Variants in DLG2 observed in about 807,000 individuals in gnomAD.
The protein encoded by DLG2 is disks large homolog 2.
A neutral mutation model predicts 132.5 loss-of-function variants in DLG2; 45 were observed. The ratio of observed to expected loss-of-function variants is 0.34; its 90% CI spans 0.27 to 0.44. DLG2 has a LOEUF of 0.44. Among genes scored for constraint, DLG2 ranks in the 20% least tolerant of loss-of-function variants. The pLI, the probability that DLG2 is intolerant of heterozygous loss-of-function variation, is 1.00. For synonymous variants in DLG2, 424 were observed against 419.6 expected (o/e 1.01, Z -0.13); for missense variants, 1,045 against 1,196.9 (o/e 0.87, Z 1.87).
chr11:85,594,014 A>G (rs2079555640), intron 3 of DLG2, among the ~76,000 whole-genome samples: 1 of 152,202 alleles, frequency 6.6e-6, no homozygotes, highest in Non-Finnish European at 1.5e-5. Context: ...GTGTTGATAA[A>G]TGAATAAAAA....
intron 6 of DLG2, among the ~76,000 whole-genome samples, chr11:85,027,618 T>C (rs1316820954): frequency 2.0e-5 from 3 of 152,242 alleles, no homozygotes; most frequent in African/African-American, 7.2e-5. Context: ...CAGCCACGCA[T>C]GCTAGCTGCT....
At chr11:84,241,060 T>C (rs1465659026) in intron 8 of DLG2, among the ~76,000 whole-genome samples, 1 of 152,208 alleles carries the variant, frequency 6.6e-6, no homozygotes, top group Non-Finnish European at 1.5e-5. Flanking sequence ...GTACTTGCAC[T>C]TCCCTCTTCT....
chr11:84,502,251 C>CTTCT, intron 7 of DLG2, among the ~76,000 whole-genome samples: 1 of 35,576 alleles, frequency 2.8e-5, no homozygotes, highest in South Asian at 1.5e-3. Context: ...TCCTTCCTTC[C>CTTCT]TTCCTTCCTT....
chr11:85,377,369 G>C (rs11234336), intron 3 of DLG2, among the ~76,000 whole-genome samples: 21,472 of 152,064 alleles, frequency 0.14, 2,090 homozygotes, highest in Non-Finnish European at 0.22. Flanking sequence ...ATGAAAGCTT[G>C]AGTTTCCTCC....
chr11:84,639,346 GTGT>G (rs1430097662), intron 6 of DLG2, among the ~76,000 whole-genome samples: 2 of 115,282 alleles, frequency 1.7e-5, no homozygotes, highest in African/African-American at 7.2e-5. Context: ...GCAGATATCT[GTGT>G]TTTTTTTTTT....
At chr11:83,599,114 T>A (rs773458013) in intron 19 of DLG2, among the ~76,000 whole-genome samples, 1 of 152,162 alleles carries the variant, frequency 6.6e-6, no homozygotes, top group Admixed American at 6.5e-5. Context: ...GCAAGAGTAG[T>A]TTTTCCAAAA....
chr11:84,168,652 T>C (rs1367989996), intron 8 of DLG2, among the ~76,000 whole-genome samples: 2 of 152,186 alleles, frequency 1.3e-5, no homozygotes, highest in African/African-American at 2.4e-5. Flanking sequence ...TTAAACCTGA[T>C]GCACTCAAAG....
intron 6 of DLG2, among the ~76,000 whole-genome samples, chr11:84,656,694 T>C (rs2099688726): frequency 6.6e-6 from 1 of 152,152 alleles, no homozygotes; most frequent in Non-Finnish European, 1.5e-5. Flanking sequence ...ATCTCCATCC[T>C]AGCACTCACT....
intron 19 of DLG2, among the ~76,000 whole-genome samples, chr11:83,560,915 A>C (rs1226678851): frequency 6.6e-6 from 1 of 152,170 alleles, no homozygotes; most frequent in Non-Finnish European, 1.5e-5. Context: ...TTTATTAAGA[A>C]AAGAGAATTA....
At chr11:84,511,480 T>C (rs1335898105) in intron 7 of DLG2, among the ~76,000 whole-genome samples, 1 of 152,168 alleles carries the variant, frequency 6.6e-6, no homozygotes, top group East Asian at 1.9e-4. Flanking sequence ...TCAGAGTTCA[T>C]ATATATTTTG....
chr11:85,447,574 T>C (rs1190244731), intron 3 of DLG2, among the ~76,000 whole-genome samples: 1 of 152,178 alleles, frequency 6.6e-6, no homozygotes, highest in African/African-American at 2.4e-5. Flanking sequence ...ACCACCTTGA[T>C]CTTGGAATAT....
At chr11:84,216,615 C>T (rs767871672) in intron 8 of DLG2, among the ~76,000 whole-genome samples, 34 of 151,454 alleles carry the variant, frequency 2.2e-4, no homozygotes, top group East Asian at 1.7e-3. Flanking sequence ...TGAGGGAAAA[C>T]GAAAAAGAGT....
intron 10 of DLG2, among the ~76,000 whole-genome samples, chr11:84,098,100 G>C (rs1465765672): frequency 6.6e-6 from 1 of 150,726 alleles, no homozygotes; most frequent in Non-Finnish European, 1.5e-5. Flanking sequence ...CCAGGCGGGA[G>C]TGCAGTGGCA....
intron 3 of DLG2, among the ~76,000 whole-genome samples, chr11:85,474,975 T>C (rs887968873): frequency 2.0e-5 from 3 of 150,884 alleles, no homozygotes; most frequent in Non-Finnish European, 4.4e-5. Context: ...TCAAAGAACA[T>C]AGAAAGGAAA....
rs1483398926 is a variant in DLG2 at position 83,457,925 on chromosome 11, T to C, written c.*1893A>G. 1 of 152,624 alleles carries C rather than the reference T, an allele frequency of 6.6e-6. No individual in the cohort carries two copies. Among genetic ancestry groups the C allele is most frequent in the African/African-American group, 2.4e-5 (1 of 41,438 alleles). 9.5% of individuals were successfully genotyped at this position (152,624 alleles called of 1,614,324 possible). A position where few individuals can be genotyped will look rare whatever the true frequency, so the allele number is the denominator to read the frequency against. On this transcript the variant is annotated 3_prime_UTR_variant, in exon 28 of 28. Coordinates refer to ENST00000376104, the MANE Select transcript of DLG2 (RefSeq NM_001142699.3). ...GAAGATGCATAATTTTGCATTTCTG[T>C]TTTGTTTTGGTGACTGTAGCCAGGC...
chr11:83,811,772 G>C (rs929033956), intron 17 of DLG2, among the ~76,000 whole-genome samples: 3 of 152,066 alleles, frequency 2.0e-5, no homozygotes, highest in Admixed American at 1.3e-4. Flanking sequence ...CATTCTAAAA[G>C]AACAACATTG....
At chr11:84,063,983 G>A (rs893371491) in intron 10 of DLG2, among the ~76,000 whole-genome samples, 4 of 151,880 alleles carry the variant, frequency 2.6e-5, no homozygotes, top group African/African-American at 9.7e-5. Flanking sequence ...GGCTGGGGGA[G>A]GGATAGCATT....
chr11:84,798,060 G>C (rs1409882448), intron 6 of DLG2, among the ~76,000 whole-genome samples: 2 of 152,162 alleles, frequency 1.3e-5, no homozygotes, highest in African/African-American at 4.8e-5. Context: ...ACCTGGAGCT[G>C]GGGGTAGGGT....
At chr11:84,883,427 T>A (rs1361073195) in intron 6 of DLG2, among the ~76,000 whole-genome samples, 1 of 151,792 alleles carries the variant, frequency 6.6e-6, no homozygotes, top group Admixed American at 6.6e-5. Flanking sequence ...TATACCTGTA[T>A]AACAAACCAG....
Sources: gnomAD v4.1 joint callset for allele counts (sites outside exome capture counted in the v4.1 genomes callset) on GRCh38, gnomAD v4.1.1 for gene constraint, MANE v1.5 for transcripts, NCBI Gene and HGNC (gene_info 2026-07-23, HGNC 2026-07-21) for gene names.